Variants in CDK14 observed in about 807,000 individuals in gnomAD.
CDK14 encodes cyclin dependent kinase 14.
A neutral mutation model predicts 60.7 loss-of-function variants in CDK14; 34 were observed. The observed-to-expected ratio is 0.56, with a 90% CI of 0.43 to 0.75. CDK14 has a LOEUF of 0.75. Ranked by LOEUF, CDK14 falls within the 30% of genes least tolerant of loss-of-function variation. The pLI, the probability that CDK14 is intolerant of heterozygous loss-of-function variation, is 0.00. For missense variants in CDK14, 482 were observed against 564.1 expected (o/e 0.85, Z 1.47); for synonymous variants, 197 against 203.7 (o/e 0.97, Z 0.28).
chr7:91,061,450 C>T (rs1293038843), intron 11 of CDK14, among the ~76,000 whole-genome samples: 1 of 152,360 alleles, frequency 6.6e-6, no homozygotes, highest in East Asian at 1.9e-4. Context: ...TGAGGAACTG[C>T]GTTCCTTTGG....
intron 4 of CDK14, among the ~76,000 whole-genome samples, chr7:90,759,667 G>A (rs907000652): frequency 6.6e-6 from 1 of 152,174 alleles, no homozygotes; most frequent in African/African-American, 2.4e-5. Context: ...TAGTGAGTGG[G>A]TATGAGTCTT....
chr7:90,764,425 C>T (rs566966779), intron 4 of CDK14, among the ~76,000 whole-genome samples: 1 of 152,274 alleles, frequency 6.6e-6, no homozygotes, highest in South Asian at 2.1e-4. Flanking sequence ...TAACAGGTTG[C>T]GGTGTCAGTG....
intron 5 of CDK14, among the ~76,000 whole-genome samples, chr7:90,792,745 A>G (rs1399643442): frequency 6.6e-6 from 1 of 152,204 alleles, no homozygotes; most frequent in Non-Finnish European, 1.5e-5. Flanking sequence ...CCTTATTACT[A>G]TCCCTTCTCT....
chr7:90,683,133 G>A lies in CDK14; in HGVS notation c.124-43434G>A, dbSNP rs759861765. On this transcript the variant is annotated intron_variant, in intron 2 of 14. Transcript: ENST00000380050. Reference sequence around the variant, plus strand: ...CCCTAGAGTTAGCATTCATCGATTTGTCTTTACTGTGGTGGTTACAAAATG... The same window carrying A: ...CCCTAGAGTTAGCATTCATCGATTTATCTTTACTGTGGTGGTTACAAAATG... 1.5e-4 allele frequency among the ~76,000 whole-genome samples: 23 copies of A among 152,174 alleles called. No homozygotes were observed. The Middle Eastern group carries it at 0.014, about 90-fold the overall frequency.
chr7:90,897,279 T>A (rs1014897827), intron 6 of CDK14, among the ~76,000 whole-genome samples: 5 of 152,174 alleles, frequency 3.3e-5, no homozygotes, highest in Admixed American at 3.3e-4. Context: ...CTTTCTGGAT[T>A]TTTGGTATTT....
intron 10 of CDK14, among the ~76,000 whole-genome samples, chr7:91,010,915 T>C: frequency 6.9e-6 from 1 of 144,276 alleles, no homozygotes; most frequent in Admixed American, 7.1e-5. Flanking sequence ...ACCTCCAGTA[T>C]AATATTAAAT....
intron 8 of CDK14, among the ~76,000 whole-genome samples, chr7:90,927,550 T>C (rs1292358398): frequency 6.6e-6 from 1 of 152,170 alleles, no homozygotes; most frequent in Non-Finnish European, 1.5e-5. Flanking sequence ...TACACAGCTG[T>C]AGTGCAAGTG....
intron 14 of CDK14, among the ~76,000 whole-genome samples, chr7:91,166,008 TC>T (rs1801335471): frequency 6.6e-6 from 1 of 152,208 alleles, no homozygotes; most frequent in African/African-American, 2.4e-5. Flanking sequence ...TTTCAGTATT[TC>T]CCTCTATTGG....
At chr7:90,935,752 A>G (rs1793733697) in intron 8 of CDK14, among the ~76,000 whole-genome samples, 1 of 152,228 alleles carries the variant, frequency 6.6e-6, no homozygotes, top group South Asian at 2.1e-4. Context: ...ACAGATAGTC[A>G]TAAAGAAGAA....
At chr7:91,204,104 A>G (rs1802808841) in intron 14 of CDK14, among the ~76,000 whole-genome samples, 1 of 152,194 alleles carries the variant, frequency 6.6e-6, no homozygotes, top group Non-Finnish European at 1.5e-5. Context: ...GCCCACAAGC[A>G]GCAAGGATTT....
chr7:90,754,146 A>T (rs372760940), intron 4 of CDK14, among the ~76,000 whole-genome samples: 1 of 152,356 alleles, frequency 6.6e-6, no homozygotes, highest in South Asian at 2.1e-4. Context: ...ATTCATATGG[A>T]ATCAAAGAAG....
chr7:90,888,177 C>G (rs1792010449), intron 6 of CDK14, among the ~76,000 whole-genome samples: 1 of 152,012 alleles, frequency 6.6e-6, no homozygotes, highest in Non-Finnish European at 1.5e-5. Flanking sequence ...TGGTGAACCC[C>G]CCTCTCTACT....
chr7:90,770,008 A>AT (rs1479715465), intron 4 of CDK14, among the ~76,000 whole-genome samples: 36 of 152,248 alleles, frequency 2.4e-4, no homozygotes, highest in East Asian at 2.1e-3. Flanking sequence ...AGGAAATTAG[A>AT]TTTTTTTATT....
intron 12 of CDK14, among the ~76,000 whole-genome samples, chr7:91,091,685 A>AGAAGGAAG (rs138061227): frequency 7.1e-6 from 1 of 140,262 alleles, no homozygotes; most frequent in Non-Finnish European, 1.5e-5. Flanking sequence ...AGAGAAAGGG[A>AGAAGGAAG]GAAGGAAGGA....
chr7:91,170,080 G>A (rs926512575), intron 14 of CDK14, among the ~76,000 whole-genome samples: 1 of 152,288 alleles, frequency 6.6e-6, no homozygotes, highest in East Asian at 1.9e-4. Context: ...TTAACTGCTT[G>A]AGGTCTTTTA....
chr7:91,034,499 C>CTG (rs35156378), intron 10 of CDK14, among the ~76,000 whole-genome samples: 2 of 152,030 alleles, frequency 1.3e-5, no homozygotes, highest in Non-Finnish European at 2.9e-5. Context: ...AGCTGTTTTT[C>CTG]TGTGTGTGTG....
chr7:90,637,459 T>G (rs1378669511), intron 2 of CDK14, among the ~76,000 whole-genome samples: 6 of 152,108 alleles, frequency 3.9e-5, no homozygotes, highest in African/African-American at 9.6e-5. Flanking sequence ...GTGAGTTTCT[T>G]AATCCTGAGT....
rs116441064 is a variant in CDK14, at chr7:90,684,657, A to G, written c.124-41910A>G. 3.6e-3 allele frequency among the ~76,000 whole-genome samples: 551 copies of G among 152,326 alleles called. 9 individuals are homozygous for G. The highest frequency in any genetic ancestry group is 0.013 in the African/African-American group (531 of 41,576). On this transcript the variant is annotated intron_variant, in intron 2 of 14. Coordinates refer to ENST00000380050, the MANE Select transcript of CDK14 (RefSeq NM_001287135.2). ...AACAACTTCAACAGTTTCCTATTGT[A>G]GCCCATACTAAAGGGGAAGGGAATT...
intron 14 of CDK14, among the ~76,000 whole-genome samples, chr7:91,193,812 T>C (rs1802448654): frequency 6.6e-6 from 1 of 152,166 alleles, no homozygotes; most frequent in African/African-American, 2.4e-5. Flanking sequence ...CTGATCAAGA[T>C]AGCCCTCCAG....
Sources: allele counts gnomAD v4.1 joint callset (sites outside exome capture counted in the v4.1 genomes callset), GRCh38; gene constraint gnomAD v4.1.1; transcripts MANE v1.5; gene names NCBI Gene and HGNC (gene_info 2026-07-23, HGNC 2026-07-21).